IL15: variants seen among roughly 807,000 people sequenced by gnomAD.
IL15 encodes interleukin 15, also known as interleukin-15.
Under a neutral mutation model 19.6 loss-of-function variants are expected in IL15, and 11 were observed. The observed-to-expected ratio is 0.56, with a 90% CI of 0.35 to 0.93. IL15 has a LOEUF of 0.93. Among genes scored for constraint, IL15 ranks in the 40% least tolerant of loss-of-function variants. The pLI is 0.01. For missense variants in IL15, 197 were observed against 186.5 expected, an observed-to-expected ratio of 1.06 and a Z score of -0.33; for synonymous variants, 58 against 59.6, an observed-to-expected ratio of 0.97 and a Z score of 0.12.
chr4:141,664,647 G>C (rs867409421), intron 2 of IL15, among the ~76,000 whole-genome samples: 1 of 152,200 alleles, frequency 6.6e-6, no homozygotes, highest in East Asian at 1.9e-4. Context: ...GTTGTTATTT[G>C]ATTTTATTTA....
chr4:141,676,599 A>G (rs914141737), intron 2 of IL15, among the ~76,000 whole-genome samples: 28 of 152,210 alleles, frequency 1.8e-4, no homozygotes, highest in Admixed American at 1.7e-3. Context: ...ACATCATGAA[A>G]GTCTGGAAGG....
At chr4:141,674,897 C>G (rs113808311) in intron 2 of IL15, among the ~76,000 whole-genome samples, 3 of 152,058 alleles carry the variant, frequency 2.0e-5, no homozygotes, top group Non-Finnish European at 4.4e-5. Flanking sequence ...TATCATAGTT[C>G]TGTAGATCAG....
rs573649238 is a variant in IL15, at chr4:141,723,641, T to C, written c.195+1633T>C. On this transcript the variant is annotated intron_variant, in intron 5 of 7. Coordinates refer to ENST00000320650, the MANE Select transcript of IL15 (RefSeq NM_000585.5). The stretch of plus-strand genomic sequence containing the variant: ...GTTTATTACAGCAGCTCTAGACTGA[T>C]ACACATGCATACATTAATTATAAAA... Among the ~76,000 whole-genome samples the C allele has an allele frequency of 2.0e-5, 3 of 152,322 alleles. 1 individual carries two copies. In the South Asian group the frequency reaches 6.2e-4, roughly 32 times the overall value.
intron 2 of IL15, among the ~76,000 whole-genome samples, chr4:141,660,348 T>G (rs1205878046): frequency 1.3e-5 from 2 of 152,234 alleles, no homozygotes; most frequent in Non-Finnish European, 2.9e-5. Flanking sequence ...AGGCCCCTCC[T>G]CTTTTATTTT....
At chr4:141,715,957 C>G (rs1254801308) in intron 2 of IL15, 3 of 152,012 alleles carry the variant, frequency 2.0e-5, no homozygotes, top group Non-Finnish European at 4.4e-5. Context: ...ATGGTGTGAG[C>G]CCCGACAGTA....
intron 2 of IL15, among the ~76,000 whole-genome samples, chr4:141,681,110 C>T (rs919174738): frequency 1.3e-5 from 2 of 152,044 alleles, no homozygotes; most frequent in African/African-American, 4.8e-5. Context: ...ATTAATGGTC[C>T]TCTTTTACCT....
At chr4:141,702,964 C>T (rs1293269324) in intron 2 of IL15, among the ~76,000 whole-genome samples, 3 of 152,114 alleles carry the variant, frequency 2.0e-5, no homozygotes, top group Non-Finnish European at 2.9e-5. Context: ...GGTTTGCAGG[C>T]CACTAGGGTA....
At chr4:141,689,559 G>A (rs535370774) in intron 2 of IL15, among the ~76,000 whole-genome samples, 25 of 152,024 alleles carry the variant, frequency 1.6e-4, no homozygotes, top group Admixed American at 5.2e-4. Flanking sequence ...ACAGAGTGCC[G>A]ATTGGTGTAT....
At chr4:141,720,852 T>C (rs188281302) in intron 4 of IL15, 1 of 537,288 alleles carries the variant, frequency 1.9e-6, no homozygotes, top group Non-Finnish European at 3.3e-6. Context: ...ATTGATAGAC[T>C]ACATATTTTT....
intron 1 of IL15, among the ~76,000 whole-genome samples, chr4:141,642,793 G>A (rs1468506825): frequency 6.6e-6 from 1 of 152,108 alleles, no homozygotes; most frequent in African/African-American, 2.4e-5. Flanking sequence ...AATTCATTTG[G>A]TGCTGTCTAC....
chr4:141,687,932 G>A (rs1253659144), intron 2 of IL15, among the ~76,000 whole-genome samples: 1 of 152,154 alleles, frequency 6.6e-6, no homozygotes, highest in Non-Finnish European at 1.5e-5. Context: ...ATACCGTTCT[G>A]TGTCCCTAGA....
At chr4:141,643,852 A>G (rs948157639) in intron 1 of IL15, among the ~76,000 whole-genome samples, 1 of 151,704 alleles carries the variant, frequency 6.6e-6, no homozygotes, top group Non-Finnish European at 1.5e-5. Flanking sequence ...CTCATTTAGC[A>G]GTCTATTTAG....
chr4:141,641,866 G>T (rs989767516), intron 1 of IL15, among the ~76,000 whole-genome samples: 1 of 151,252 alleles, frequency 6.6e-6, no homozygotes, highest in African/African-American at 2.4e-5. Flanking sequence ...CCGCAATGTG[G>T]TTTTCGAGCT....
intron 2 of IL15, among the ~76,000 whole-genome samples, chr4:141,679,819 T>C (rs1389905409): frequency 1.3e-5 from 2 of 152,254 alleles, no homozygotes; most frequent in African/African-American, 4.8e-5. Context: ...GCCTGGTTTT[T>C]ACAAGTCAAA....
intron 2 of IL15, among the ~76,000 whole-genome samples, chr4:141,665,773 A>G (rs1009082279): frequency 2.0e-5 from 3 of 152,156 alleles, no homozygotes; most frequent in Non-Finnish European, 4.4e-5. Flanking sequence ...TTTCCCCTAC[A>G]TATTGATGAG....
At chr4:141,657,027 C>A (rs760892034) in intron 2 of IL15, among the ~76,000 whole-genome samples, 8 of 152,048 alleles carry the variant, frequency 5.3e-5, no homozygotes, top group Non-Finnish European at 1.0e-4. Context: ...GTGGGAACAT[C>A]CTAGGCTGCA....
At chr4:141,636,905 A>G (rs1040782348) in intron 1 of IL15, 157 bp downstream of exon 1, 2 of 152,414 alleles carry the variant, frequency 1.3e-5, no homozygotes, top group Non-Finnish European at 2.9e-5. Context: ...CTCATGGGGA[A>G]AACTTAGCCG....
intron 2 of IL15, among the ~76,000 whole-genome samples, chr4:141,676,548 A>G (rs1395077279): frequency 6.6e-6 from 1 of 152,216 alleles, no homozygotes; most frequent in East Asian, 1.9e-4. Context: ...ACTTTATGGA[A>G]GGGATTGTCA....
chr4:141,702,351 C>T (rs1270908313), intron 2 of IL15, among the ~76,000 whole-genome samples: 1 of 152,196 alleles, frequency 6.6e-6, no homozygotes, highest in Non-Finnish European at 1.5e-5. Flanking sequence ...AGTAGGGCTA[C>T]CAGACTCTGG....
Sources: allele counts gnomAD v4.1 joint callset (sites outside exome capture counted in the v4.1 genomes callset), GRCh38; gene constraint gnomAD v4.1.1; transcripts MANE v1.5; gene names NCBI Gene and HGNC (gene_info 2026-07-23, HGNC 2026-07-21).